The following PLAGL1 variants were observed in gnomAD, a reference collection of about 807,000 sequenced individuals.
PLAGL1 encodes the protein PLAG1 like zinc finger 1.
A neutral mutation model predicts 4.6 loss-of-function variants in PLAGL1; 1 was observed. The ratio of observed to expected loss-of-function variants is 0.22; its 90% CI spans 0.08 to 1.03. The LOEUF (loss-of-function observed/expected upper bound fraction) is 1.03, where lower values mean the gene tolerates loss of function less well. Ranked by LOEUF, PLAGL1 falls within the 50% of genes least tolerant of loss-of-function variation. The probability of loss-of-function intolerance (pLI) is 0.58; values close to 1 mark genes in which losing one functional copy is unlikely to be tolerated. For synonymous variants in PLAGL1, 240 were observed against 237.8 expected (o/e 1.01, Z -0.08); for missense variants, 464 against 570.4 (o/e 0.81, Z 1.90).
chr6:143,957,654 T>C lies in PLAGL1; in HGVS notation c.-325+2815A>G, dbSNP rs894788777. Among the ~76,000 whole-genome samples, 1 of 152,200 alleles carries C rather than the reference T, an allele frequency of 6.6e-6. No homozygotes were observed. Among genetic ancestry groups the C allele is most frequent in the Non-Finnish European group, 1.5e-5 (1 of 68,028 alleles). On this transcript the variant is annotated intron_variant, in intron 6 of 7. Transcript: ENST00000674357. The surrounding 1 kb of genome is among the most constrained non-coding windows in gnomAD (Gnocchi z 4.2). The stretch of plus-strand genomic sequence containing the variant: ...AAGTGTGTGAGGATATAGGCTCACA[T>C]TGAGAAGAGAAATGTGAAAAGCATA...
chr6:143,941,668 AG>A lies in PLAGL1; in HGVS notation c.1147del (p.Leu383CysfsTer33). On this transcript the variant is annotated frameshift_variant, in exon 8 of 8. Coordinates refer to ENST00000674357, the MANE Select transcript of PLAGL1 (RefSeq NM_001317162.2). LOFTEE classifies it low-confidence loss of function (END_TRUNC). The surrounding 1 kb of genome is among the most constrained non-coding windows in gnomAD (Gnocchi z 6.0). ...AGGGGGCAGCTGCCAGAAGCCCAAC[AG>A]GGGGGACAGGTCCAGAGAGGCAGGT... ...TIPASLDLSP[L>X]LGFWQLPPPA... 1.2e-6 allele frequency: 2 copies of A among 1,614,222 alleles called. No homozygotes were observed. The highest frequency in any genetic ancestry group is 1.7e-6 in the Non-Finnish European group (2 of 1,180,028).
chr6:144,058,190 G>A (rs1452954306), intron 1 of PLAGL1, among the ~76,000 whole-genome samples: 1 of 152,188 alleles, frequency 6.6e-6, no homozygotes, highest in East Asian at 1.9e-4. Flanking sequence ...ACTCATGGCA[G>A]AAGGTGACAG....
rs1417026375 is a variant in PLAGL1, at chr6:143,978,299, A to G, written c.-544+6836T>C. Among the ~76,000 whole-genome samples, 2 of 152,114 alleles carry G rather than the reference A, an allele frequency of 1.3e-5. No homozygotes were observed. Among genetic ancestry groups the G allele is most frequent in the East Asian group, 3.8e-4 (2 of 5,196 alleles). ...TGATTTTAGGTTCTTTTTCTTTTCTAATACATCATTTAATGCTACAAATTT... is the reference window on the plus strand; with the variant it reads ...TGATTTTAGGTTCTTTTTCTTTTCTGATACATCATTTAATGCTACAAATTT... On this transcript the variant is annotated intron_variant, in intron 2 of 7. Coordinates refer to ENST00000674357, the MANE Select transcript of PLAGL1 (RefSeq NM_001317162.2). This position sits in a 1 kb window ranked among gnomAD's most constrained non-coding sequence, Gnocchi z 4.6.
rs1318401856 is a variant in PLAGL1, at chr6:144,053,595, CAGACAATA to C, written c.-151+10865_-151+10872del. 2.6e-5 allele frequency among the ~76,000 whole-genome samples: 4 copies of C among 152,242 alleles called. No homozygotes were observed. In the East Asian group the frequency reaches 7.7e-4, roughly 29 times the overall value. On this transcript the variant is annotated intron_variant, in intron 1 of 3. Coordinates refer to the PLAGL1 transcript ENST00000437412. The surrounding 1 kb of genome is among the most constrained non-coding windows in gnomAD (Gnocchi z 4.0). ...ATTTGATTAAATATGATGGACAGTA[CAGACAATA>C]AGTCCCTACAGGACTTATTTGGATA... is the stretch of plus-strand genomic sequence containing the variant.
intron 1 of PLAGL1, among the ~76,000 whole-genome samples, chr6:144,018,869 C>T (rs749957828): frequency 6.6e-6 from 1 of 152,008 alleles, no homozygotes; most frequent in Non-Finnish European, 1.5e-5. Context: ...GAACCAAAGT[C>T]GAGGGACATT....
At chr6:144,020,726 A>G (rs1308049683) in intron 1 of PLAGL1, among the ~76,000 whole-genome samples, 2 of 150,286 alleles carry the variant, frequency 1.3e-5, no homozygotes, top group Non-Finnish European at 3.0e-5. Context: ...GATTACAGGT[A>G]TGAGCCACTG....
intron 1 of PLAGL1, among the ~76,000 whole-genome samples, chr6:144,031,811 T>C (rs1462464601): frequency 6.6e-6 from 1 of 152,182 alleles, no homozygotes; most frequent in Non-Finnish European, 1.5e-5. Flanking sequence ...TCTTTTTGCT[T>C]AGTCTCGCTT....
rs927697676 is a variant in PLAGL1 at position 144,061,341 on chromosome 6, G to A, written c.-151+3127C>T. On this transcript the variant is annotated intron_variant, in intron 1 of 3. Coordinates refer to the PLAGL1 transcript ENST00000437412. The surrounding 1 kb of genome is among the most constrained non-coding windows in gnomAD (Gnocchi z 4.4). ...CAATTTCTTTCTACAACTGGAACAG[G>A]ACAGTCTATCTGTGCAACCTACCAA... Among the ~76,000 whole-genome samples the A allele has an allele frequency of 6.6e-6, 1 of 152,190 alleles. No individual in the cohort carries two copies. The highest frequency in any genetic ancestry group is 1.5e-5 in the Non-Finnish European group (1 of 68,040).
At chr6:144,035,900 CA>C (rs1198724185) in intron 1 of PLAGL1, among the ~76,000 whole-genome samples, 1 of 152,110 alleles carries the variant, frequency 6.6e-6, no homozygotes, top group Non-Finnish European at 1.5e-5. Flanking sequence ...CAAGGGTAGC[CA>C]CCTGGTGGGG....
rs1187736362 is a variant in PLAGL1 at position 144,000,463 on chromosome 6, T to C, written c.-584+7627A>G. ...AACAAAAATCATCAGGATCTAGAAATAAATGTAACAAAATATGTACAAGTC... is the reference window on the plus strand; with the variant it reads ...AACAAAAATCATCAGGATCTAGAAACAAATGTAACAAAATATGTACAAGTC... On this transcript the variant is annotated intron_variant, in intron 1 of 7. Coordinates refer to ENST00000674357, the MANE Select transcript of PLAGL1 (RefSeq NM_001317162.2). The surrounding 1 kb of genome is among the most constrained non-coding windows in gnomAD (Gnocchi z 4.1). Among the ~76,000 whole-genome samples, 4 of 152,006 alleles carry C rather than the reference T, an allele frequency of 2.6e-5. No homozygotes were observed. The highest frequency in any genetic ancestry group is 2.6e-4 in the Admixed American group (4 of 15,264).
chr6:144,022,912 CAT>C lies in PLAGL1; in HGVS notation c.-151+41554_-151+41555del, dbSNP rs1796075837. On this transcript the variant is annotated intron_variant, in intron 1 of 3. Coordinates refer to the PLAGL1 transcript ENST00000437412. This position sits in a 1 kb window ranked among gnomAD's most constrained non-coding sequence, Gnocchi z 4.2. Reference sequence around the variant, plus strand: ...GGTATTTACCCAATTGATTTGAAAACATATCCATACAAAAACCTGCACATGAA... The same window carrying C: ...GGTATTTACCCAATTGATTTGAAAACATCCATACAAAAACCTGCACATGAA... 6.6e-6 allele frequency among the ~76,000 whole-genome samples: 1 copy of C among 152,200 alleles called. No homozygotes were observed.
Position 143,973,663 on chromosome 6 carries a change from C to A in PLAGL1, c.-543-4685G>T, listed in dbSNP as rs554523415. On this transcript the variant is annotated intron_variant, in intron 2 of 7. Transcript: ENST00000674357. This position sits in a 1 kb window ranked among gnomAD's most constrained non-coding sequence, Gnocchi z 6.2. Reference sequence around the variant, plus strand: ...ACCCAAACTATATGGAAACTTTATTCTCAATCGAATGGTTCGTTCTAATAG... The same window carrying A: ...ACCCAAACTATATGGAAACTTTATTATCAATCGAATGGTTCGTTCTAATAG... Among the ~76,000 whole-genome samples the A allele has an allele frequency of 2.0e-5, 3 of 152,318 alleles. No individual in the cohort carries two copies. The highest frequency in any genetic ancestry group is 7.2e-5 in the African/African-American group (3 of 41,576).
chr6:143,993,369 CAA>C (rs1554266738), intron 1 of PLAGL1, among the ~76,000 whole-genome samples: 3 of 143,278 alleles, frequency 2.1e-5, no homozygotes, highest in Non-Finnish European at 4.6e-5. Context: ...CACACACACA[CAA>C]TTGACATGTG....
In PLAGL1 at chr6:143,940,895, G is replaced by A. The variant is rs1281777545; in HGVS notation, c.*529C>T. On this transcript the variant is annotated 3_prime_UTR_variant, in exon 8 of 8. Coordinates refer to ENST00000674357, the MANE Select transcript of PLAGL1 (RefSeq NM_001317162.2). Reference sequence around the variant, plus strand: ...TATTGCTCCACAAGAAAATGTATATGTAAAACTACAGGTTGGCTATGGTAA... The same window carrying A: ...TATTGCTCCACAAGAAAATGTATATATAAAACTACAGGTTGGCTATGGTAA... 1 of 152,626 alleles carries A rather than the reference G, an allele frequency of 6.6e-6. No homozygotes were observed. The highest frequency in any genetic ancestry group is 2.4e-5 in the African/African-American group (1 of 41,446). The allele number at this position is 152,626 out of a possible 1,614,324, so 9.5% of individuals were successfully genotyped here.
chr6:144,005,560 C>A lies in PLAGL1; in HGVS notation c.-584+2530G>T, dbSNP rs556198857. Reference sequence around the variant, plus strand: ...TACATGTCTCAGGTAAATTAAAGAACAAAATGTGGACAAAACATAAACTTA... The same window carrying A: ...TACATGTCTCAGGTAAATTAAAGAAAAAAATGTGGACAAAACATAAACTTA... On this transcript the variant is annotated intron_variant, in intron 1 of 7. Transcript: ENST00000674357. This position sits in a 1 kb window ranked among gnomAD's most constrained non-coding sequence, Gnocchi z 4.6. The A allele has an allele frequency of 6.6e-6, 1 of 151,928 alleles. No individual in the cohort carries two copies. The highest frequency in any genetic ancestry group is 2.4e-5 in the African/African-American group (1 of 41,392). 9.4% of individuals were successfully genotyped at this position (151,928 alleles called of 1,614,324 possible).
At position 144,048,992 on chromosome 6, in the gene PLAGL1, C is replaced by T. The variant is rs184368535; in HGVS notation, c.-151+15476G>A. Among the ~76,000 whole-genome samples the T allele has an allele frequency of 6.6e-6, 1 of 152,362 alleles. No homozygotes were observed. Among genetic ancestry groups the T allele is most frequent in the African/African-American group, 2.4e-5 (1 of 41,580 alleles). On this transcript the variant is annotated intron_variant, in intron 1 of 3. Transcript: ENST00000437412. This position sits in a 1 kb window ranked among gnomAD's most constrained non-coding sequence, Gnocchi z 4.8. ...AATGCTTTCAAAATCAACCAGGTCACCTCTTGAATGCTTTGCTGCTTAGAA... is the reference window on the plus strand; with the variant it reads ...AATGCTTTCAAAATCAACCAGGTCATCTCTTGAATGCTTTGCTGCTTAGAA...
In PLAGL1 at chr6:143,955,717, A is replaced by G. The variant is rs922470515; in HGVS notation, c.-325+4752T>C. On this transcript the variant is annotated intron_variant, in intron 6 of 7. Transcript: ENST00000674357. This position sits in a 1 kb window ranked among gnomAD's most constrained non-coding sequence, Gnocchi z 4.9. ...AGCAGTGGACTTGCCACCAGATTTC[A>G]CTTTTTGATGGTAACTCTGGCAGGG... Among the ~76,000 whole-genome samples, 1 of 152,140 alleles carries G rather than the reference A, an allele frequency of 6.6e-6. No individual in the cohort carries two copies. The highest frequency in any genetic ancestry group is 6.5e-5 in the Admixed American group (1 of 15,282).
intron 3 of PLAGL1, chr6:143,967,094 G>A (rs1784555465): frequency 6.6e-6 from 1 of 152,072 alleles, no homozygotes; most frequent in African/African-American, 2.4e-5. Flanking sequence ...TGGCTTTGGA[G>A]TCAGATGGGT....
chr6:144,023,679 G>T (rs1345722528), intron 1 of PLAGL1, among the ~76,000 whole-genome samples: 1 of 151,698 alleles, frequency 6.6e-6, no homozygotes, highest in African/African-American at 2.4e-5. Context: ...TTCTCTGTTA[G>T]GGAAATTACA....
Sources: allele counts gnomAD v4.1 joint callset (sites outside exome capture counted in the v4.1 genomes callset), GRCh38; gene constraint gnomAD v4.1.1; non-coding constraint Gnocchi (gnomAD v3.1); transcripts MANE v1.5; gene names NCBI Gene and HGNC (gene_info 2026-07-23, HGNC 2026-07-21).